Variants in GGA3 observed in about 807,000 individuals in gnomAD.
The protein encoded by GGA3 is ADP-ribosylation factor-binding protein GGA3.
GGA3 carries 57 observed loss-of-function variants against 77.5 expected under a neutral mutation model. That is an observed-to-expected ratio of 0.74 (90% CI 0.59 to 0.92). GGA3 has a LOEUF of 0.92. Among genes scored for constraint, GGA3 ranks in the 40% least tolerant of loss-of-function variants. The pLI is 0.00. For synonymous variants in GGA3, 416 were observed against 383.7 expected, an observed-to-expected ratio of 1.08 and a Z score of -0.98; for missense variants, 970 against 914.9, an observed-to-expected ratio of 1.06 and a Z score of -0.78.
chr17:75,259,973 C>A (rs1181889481), intron 1 of GGA3, among the ~76,000 whole-genome samples: 3 of 152,108 alleles, frequency 2.0e-5, no homozygotes, highest in Non-Finnish European at 4.4e-5. Context: ...CACAGCAAGA[C>A]CTCATCTCTA....
chr17:75,254,171 G>C (rs11657474), intron 1 of GGA3, among the ~76,000 whole-genome samples: 114,842 of 151,858 alleles, frequency 0.76, 48,007 homozygotes, highest in East Asian at 0.92. Context: ...CCCAAGTGTC[G>C]CTGGGTCTTT....
chr17:75,256,700 C>T, intron 1 of GGA3, among the ~76,000 whole-genome samples: 1 of 152,136 alleles, frequency 6.6e-6, no homozygotes, highest in Non-Finnish European at 1.5e-5. Flanking sequence ...GTTCCATCTG[C>T]TATTCTACTA....
Position 75,239,981 on chromosome 17 carries a change from G to A in GGA3, c.1391C>T (p.Pro464Leu). 1 of 1,559,406 alleles carries A rather than the reference G, an allele frequency of 6.4e-7. No homozygotes were observed. The highest frequency in any genetic ancestry group is 2.4e-5 in the East Asian group (1 of 41,430). Residue 464 changes from proline (P) to leucine (L), a missense_variant, in exon 13 of 17, where the codon CCC becomes CTC. Transcript: ENST00000537686. ...GGCTGGGACCACAGGAGCTGGGAAG[G>A]GAGGCGGCAGTGGAGCTTGGGAGCT... ...SSSSQAPLPP[P>L]FPAPVVPASV...
At chr17:75,250,322 CTG>C (rs1365411938) in intron 1 of GGA3, among the ~76,000 whole-genome samples, 2 of 152,234 alleles carry the variant, frequency 1.3e-5, no homozygotes, top group Admixed American at 6.5e-5. Context: ...TCATCTGTTT[CTG>C]TGTCTCTGGA....
At position 75,237,578 on chromosome 17, in the gene GGA3, C is replaced by G. The variant is rs1311757393; in HGVS notation, c.*701G>C. On this transcript the variant is annotated 3_prime_UTR_variant, in exon 17 of 17. Transcript: ENST00000537686. ...GCTCTCTTCATTTTCCTTCCTATCCCTAGTTGGGCCTGTCATGAGGCCAAA... is the reference window on the plus strand; with the variant it reads ...GCTCTCTTCATTTTCCTTCCTATCCGTAGTTGGGCCTGTCATGAGGCCAAA... 6.5e-7 allele frequency: 1 copy of G among 1,535,374 alleles called. No homozygotes were observed. Among genetic ancestry groups the G allele is most frequent in the Admixed American group, 2.0e-5 (1 of 50,978 alleles).
chr17:75,245,623 C>T (rs1352705865), intron 3 of GGA3, among the ~76,000 whole-genome samples: 1 of 152,120 alleles, frequency 6.6e-6, no homozygotes, highest in Non-Finnish European at 1.5e-5. Flanking sequence ...TTCCCAGGCT[C>T]AAGCCATCCT....
chr17:75,252,290 T>A (rs1246934998), intron 1 of GGA3, among the ~76,000 whole-genome samples: 2 of 151,934 alleles, frequency 1.3e-5, no homozygotes, highest in Non-Finnish European at 2.9e-5. Flanking sequence ...CAGTAGGCGA[T>A]CATGGCTCAC....
chr17:75,252,421 C>T (rs1241041508), intron 1 of GGA3, among the ~76,000 whole-genome samples: 2 of 152,142 alleles, frequency 1.3e-5, no homozygotes, highest in Non-Finnish European at 2.9e-5. Flanking sequence ...AATGCTGCAC[C>T]TTCCAAAAGT....
chr17:75,242,009 G>C, intron 8 of GGA3: 1 of 540,494 alleles, frequency 1.9e-6, no homozygotes, highest in South Asian at 2.1e-5. Flanking sequence ...ATGGGCATCA[G>C]GGTTACAAGG....
Position 75,237,390 on chromosome 17 carries a change from G to A in GGA3, c.*889C>T. ...ATGCCATCTGGTGAGAGGAGAGGGA[G>A]GCCAAAGCAGTAGGATGTAGAGTGG... On this transcript the variant is annotated 3_prime_UTR_variant, in exon 17 of 17. Coordinates refer to ENST00000537686, the MANE Select transcript of GGA3 (RefSeq NM_138619.4). The A allele has an allele frequency of 8.4e-7, 1 of 1,184,360 alleles. No homozygotes were observed. Among genetic ancestry groups the A allele is most frequent in the Non-Finnish European group, 1.2e-6 (1 of 825,756 alleles). The allele number at this position is 1,184,360 out of a possible 1,614,324, so 73.4% of individuals were successfully genotyped here.
At chr17:75,240,231 G>T in intron 12 of GGA3, 111 bp downstream of exon 12, 2 of 1,135,984 alleles carry the variant, frequency 1.8e-6, no homozygotes, top group South Asian at 1.4e-5. Flanking sequence ...GTTCCCCGCT[G>T]CAGCTGGCAC....
chr17:75,238,684 TGATGGCTGCA>T lies in GGA3; in HGVS notation c.2019_2028del (p.Ala674ProfsTer10). On this transcript the variant is annotated frameshift_variant, in exon 16 of 17. Coordinates refer to ENST00000537686, the MANE Select transcript of GGA3 (RefSeq NM_138619.4). LOFTEE classifies it high-confidence loss of function. ...GGATTGGCCAGCAACATGACCTGGG[TGATGGCTGCA>T]GGTGGCTGGATGGGGCTAAATGGAG... 1 of 1,613,732 alleles carries T rather than the reference TGATGGCTGCA, an allele frequency of 6.2e-7. No homozygotes were observed. Among genetic ancestry groups the T allele is most frequent in the South Asian group, 1.1e-5 (1 of 91,062 alleles).
At chr17:75,258,380 C>T (rs1278681850) in intron 1 of GGA3, among the ~76,000 whole-genome samples, 6 of 152,108 alleles carry the variant, frequency 3.9e-5, no homozygotes, top group Non-Finnish European at 7.4e-5. Context: ...TAAACTTCTT[C>T]GGCTGGGCTG....
chr17:75,250,430 C>T (rs2076921116), intron 1 of GGA3, among the ~76,000 whole-genome samples: 1 of 152,206 alleles, frequency 6.6e-6, no homozygotes, highest in Admixed American at 6.5e-5. Context: ...CATTGGGTAC[C>T]CCATTCCAGC....
Position 75,242,821 on chromosome 17 carries a change from G to C in GGA3, c.609+10C>G. On this transcript the variant is annotated intron_variant, in intron 7 of 16. Transcript: ENST00000537686. Reference sequence around the variant, plus strand: ...TCCACCCCGTGCCTGAAGGACCGGGGCCCACTCACTTCCTTCACCATGGAC... The same window carrying C: ...TCCACCCCGTGCCTGAAGGACCGGGCCCCACTCACTTCCTTCACCATGGAC... The C allele has an allele frequency of 6.2e-7, 1 of 1,606,900 alleles. No individual in the cohort carries two copies. The highest frequency in any genetic ancestry group is 8.5e-7 in the Non-Finnish European group (1 of 1,173,430).
At position 75,238,126 on chromosome 17, in the gene GGA3, A is replaced by G; in HGVS notation, c.*153T>C. ...CCAAAGGAGAGGTTATCACAGCAGC[A>G]GTTTGGTTCTCAGCAGAAATGCCCA... On this transcript the variant is annotated 3_prime_UTR_variant, in exon 17 of 17. Transcript: ENST00000537686. 2 of 1,428,442 alleles carry G rather than the reference A, an allele frequency of 1.4e-6. No homozygotes were observed. Among genetic ancestry groups the G allele is most frequent in the Middle Eastern group, 2.5e-4 (1 of 3,942 alleles). The allele number at this position is 1,428,442 out of a possible 1,614,324, so 88.5% of individuals were successfully genotyped here. A position where few individuals can be genotyped will look rare whatever the true frequency, so the allele number is the denominator to read the frequency against.
At chr17:75,253,215 T>C (rs570036775) in intron 1 of GGA3, among the ~76,000 whole-genome samples, 2 of 152,326 alleles carry the variant, frequency 1.3e-5, no homozygotes, top group South Asian at 4.1e-4. Flanking sequence ...CGGCCTCTTC[T>C]TACTCTCTTC....
upstream of GGA3, chr17:75,261,775 T>C: frequency 8.4e-7 from 1 of 1,183,742 alleles, no homozygotes; most frequent in Non-Finnish European, 1.2e-6. Context: ...AGTGAAAAAC[T>C]CTAACGTCCA....
chr17:75,240,300 G>T (rs777720823), intron 12 of GGA3, 42 bp downstream of exon 12: 2 of 1,392,786 alleles, frequency 1.4e-6, no homozygotes, highest in Non-Finnish European at 1.0e-6. Flanking sequence ...GAAAGTGGAG[G>T]TCCTTGGCAC....
Sources: allele counts gnomAD v4.1 joint callset (sites outside exome capture counted in the v4.1 genomes callset), GRCh38; gene constraint gnomAD v4.1.1; transcripts MANE v1.5; gene names NCBI Gene and HGNC (gene_info 2026-07-23, HGNC 2026-07-21).